Variants in RAPGEF6 observed in about 807,000 individuals in gnomAD.
RAPGEF6 encodes the protein Rap guanine nucleotide exchange factor 6.
In RAPGEF6, 56 loss-of-function variants were observed where a neutral mutation model predicts 171.4. The ratio of observed to expected loss-of-function variants is 0.33; its 90% CI spans 0.26 to 0.41. The LOEUF is 0.41. Ranked by LOEUF, RAPGEF6 falls within the 10% of genes least tolerant of loss-of-function variation. The pLI is 1.00. For synonymous variants in RAPGEF6, 692 were observed against 650.1 expected (o/e 1.06, Z -0.98); for missense variants, 1,674 against 1,921.4 (o/e 0.87, Z 2.41).
At chr5:131,543,660 G>A (rs1009161271) in intron 6 of RAPGEF6, among the ~76,000 whole-genome samples, 5 of 152,106 alleles carry the variant, frequency 3.3e-5, no homozygotes, top group East Asian at 1.9e-4. Context: ...GTGAAGCACC[G>A]AAGATTTAGA....
At chr5:131,500,149 G>A (rs1756925456) in intron 11 of RAPGEF6, among the ~76,000 whole-genome samples, 1 of 152,132 alleles carries the variant, frequency 6.6e-6, no homozygotes, top group African/African-American at 2.4e-5. Context: ...CATCCTCCAT[G>A]GCCTCCCAAA....
intron 7 of RAPGEF6, among the ~76,000 whole-genome samples, chr5:131,511,481 C>CTTTTTTTTTTTTTTTTTTTTT (rs55782171): frequency 1.5e-5 from 2 of 137,328 alleles, no homozygotes; most frequent in Non-Finnish European, 1.5e-5. Context: ...AAAAGATCAT[C>CTTTTTTTTTTTTTTTTTTTTT]TTTTTTTTTT....
intron 6 of RAPGEF6, 85 bp downstream of exon 6, chr5:131,547,962 T>G (rs1554081103): frequency 7.0e-7 from 1 of 1,433,380 alleles, no homozygotes; most frequent in Non-Finnish European, 9.6e-7. Flanking sequence ...CCCAGCATGT[T>G]GATATTACCA....
At chr5:131,580,313 G>A (rs1336426488) in intron 4 of RAPGEF6, among the ~76,000 whole-genome samples, 1 of 152,166 alleles carries the variant, frequency 6.6e-6, no homozygotes, top group African/African-American at 2.4e-5. Context: ...GGCAGCACCA[G>A]CCGGTCACTC....
intron 6 of RAPGEF6, chr5:131,533,169 T>TACACACACACACACACACACAC: frequency 7.3e-6 from 1 of 136,948 alleles, no homozygotes; most frequent in African/African-American, 2.7e-5. Context: ...ATTGAAAACA[T>TACACACACACACACACACACAC]ACACACACAC....
intron 13 of RAPGEF6, among the ~76,000 whole-genome samples, chr5:131,495,157 G>C (rs1280561734): frequency 6.6e-6 from 1 of 152,004 alleles, no homozygotes; most frequent in Admixed American, 6.6e-5. Flanking sequence ...GCTGGGCGTG[G>C]TGGTGCGCGT....
chr5:131,472,551 C>A lies in RAPGEF6; in HGVS notation c.2239+36G>T, dbSNP rs761475736. 5.0e-6 allele frequency: 8 copies of A among 1,592,794 alleles called. No homozygotes were observed. The African/African-American group carries it at 1.1e-4, about 21-fold the overall frequency. On this transcript the variant is annotated intron_variant, in intron 17 of 27. Transcript: ENST00000509018. The stretch of plus-strand genomic sequence containing the variant: ...TAACCATCTATTTGTTCATTTGGTA[C>A]CAATACGGCAATATAAAATCACATA...
chr5:131,578,962 C>T (rs1346846580), intron 4 of RAPGEF6, among the ~76,000 whole-genome samples: 1 of 152,166 alleles, frequency 6.6e-6, no homozygotes, highest in East Asian at 1.9e-4. Context: ...GTCTCACTAA[C>T]TTCAAGAATG....
At chr5:131,610,822 T>C (rs1358063401) in intron 1 of RAPGEF6, among the ~76,000 whole-genome samples, 1 of 152,162 alleles carries the variant, frequency 6.6e-6, no homozygotes, top group African/African-American at 2.4e-5. Context: ...ACTTCAAACC[T>C]ATGTGAAGAA....
rs534571863 is a variant in RAPGEF6 at position 131,479,759 on chromosome 5, G to A, written c.1841-6C>T. 1.7e-5 allele frequency: 27 copies of A among 1,600,844 alleles called. No individual in the cohort carries two copies. Among genetic ancestry groups the A allele is most frequent in the Non-Finnish European group, 2.3e-5 (27 of 1,174,826 alleles). Reference sequence around the variant, plus strand: ...AAAAAGTAACTCTTTGAACACTGTGGAAATAAAACAAATGCGTCATTTTAT... The same window carrying A: ...AAAAAGTAACTCTTTGAACACTGTGAAAATAAAACAAATGCGTCATTTTAT... On this transcript the variant is annotated splice_polypyrimidine_tract_variant and splice_region_variant and intron_variant, in intron 15 of 27. Transcript: ENST00000509018.
At chr5:131,498,368 T>C in intron 12 of RAPGEF6, 75 bp downstream of exon 12, 2 of 1,307,934 alleles carry the variant, frequency 1.5e-6, no homozygotes, top group Admixed American at 2.3e-5. Context: ...AATAAACAGG[T>C]AATCTATCAA....
At chr5:131,539,306 T>G (rs1253736385) in intron 6 of RAPGEF6, among the ~76,000 whole-genome samples, 6 of 152,212 alleles carry the variant, frequency 3.9e-5, no homozygotes, top group African/African-American at 1.4e-4. Context: ...AAATACAAAA[T>G]AAAGTTCACA....
At chr5:131,598,914 A>G (rs188520483) in intron 3 of RAPGEF6, among the ~76,000 whole-genome samples, 171 of 152,378 alleles carry the variant, frequency 1.1e-3, no homozygotes, top group African/African-American at 4.0e-3. Context: ...ATTTACACAG[A>G]AAGGCAAAGC....
intron 11 of RAPGEF6, among the ~76,000 whole-genome samples, chr5:131,503,810 C>T (rs1561517235): frequency 1.3e-5 from 2 of 152,166 alleles, no homozygotes; most frequent in African/African-American, 2.4e-5. Context: ...AATACTCAGA[C>T]TCTACAATTG....
intron 3 of RAPGEF6, among the ~76,000 whole-genome samples, chr5:131,595,753 T>G (rs1368765651): frequency 6.6e-6 from 1 of 152,318 alleles, no homozygotes; most frequent in South Asian, 2.1e-4. Flanking sequence ...TGTAACTGGG[T>G]AAGCTCCTCC....
At chr5:131,498,346 T>A in intron 12 of RAPGEF6, 97 bp downstream of exon 12, 1 of 1,153,420 alleles carries the variant, frequency 8.7e-7, no homozygotes, top group Non-Finnish European at 1.2e-6. Context: ...GTGTACTGAA[T>A]CTTATTATCA....
At position 131,440,125 on chromosome 5, in the gene RAPGEF6, G is replaced by A. The variant is rs548300736; in HGVS notation, c.3611-410C>T. 1.3e-3 allele frequency: 546 copies of A among 432,330 alleles called. 1 individual carries two copies. The highest frequency in any genetic ancestry group is 3.0e-3 in the South Asian group (179 of 60,536). The allele number at this position is 432,330 out of a possible 1,614,324, so 26.8% of individuals were successfully genotyped here. A position where few individuals can be genotyped will look rare whatever the true frequency, so the allele number is the denominator to read the frequency against. On this transcript the variant is annotated intron_variant, in intron 23 of 27. Transcript: ENST00000509018. Reference sequence around the variant, plus strand: ...GACGCATGTGGCAGGGGCAGTGTGGGGATGTTGGCACTGTCACTACCTGTG... The same window carrying A: ...GACGCATGTGGCAGGGGCAGTGTGGAGATGTTGGCACTGTCACTACCTGTG...
rs151174141 is a variant in RAPGEF6, at chr5:131,451,643, C to T, written c.3200+1411G>A. Among the ~76,000 whole-genome samples the T allele has an allele frequency of 3.2e-3, 482 of 152,036 alleles. 3 individuals carry two copies. Among genetic ancestry groups the T allele is most frequent in the African/African-American group, 0.011 (459 of 41,472 alleles). ...TTAAAGAAAACAAATAAAAAAAAAC[C>T]CAGTGTATCACTGGTTCTATTGGGT... On this transcript the variant is annotated intron_variant, in intron 21 of 27. Coordinates refer to ENST00000509018, the MANE Select transcript of RAPGEF6 (RefSeq NM_016340.6).
At chr5:131,476,801 G>GCC (rs1755128813) in intron 16 of RAPGEF6, among the ~76,000 whole-genome samples, 8 of 152,124 alleles carry the variant, frequency 5.3e-5, no homozygotes, top group Non-Finnish European at 7.4e-5. Flanking sequence ...CAAAGTGCTG[G>GCC]GATAACAGGC....
Sources: allele counts gnomAD v4.1 joint callset (sites outside exome capture counted in the v4.1 genomes callset), GRCh38; gene constraint gnomAD v4.1.1; transcripts MANE v1.5; gene names NCBI Gene and HGNC (gene_info 2026-07-23, HGNC 2026-07-21).